Variants in KPNA7 observed in about 807,000 individuals in gnomAD.
KPNA7 encodes the protein importin subunit alpha-8.
Under a neutral mutation model 53.7 loss-of-function variants are expected in KPNA7, and 54 were observed. That is an observed-to-expected ratio of 1.01 (90% CI 0.81 to 1.26). KPNA7 has a LOEUF of 1.26. KPNA7 is among the 50% of genes most tolerant of loss of function. KPNA7 has a pLI of 0.00. For synonymous variants in KPNA7, 276 were observed against 259.3 expected (o/e 1.06, Z -0.62); for missense variants, 640 against 644.5 (o/e 0.99, Z 0.07).
rs536404384 is a variant in KPNA7, at chr7:99,173,624, G to C, written c.*84C>G. 922 of 763,502 alleles carry C rather than the reference G, an allele frequency of 1.2e-3. 16 individuals carry two copies. In the South Asian group the frequency reaches 0.018, roughly 15 times the overall value. 47.3% of individuals were successfully genotyped at this position (763,502 alleles called of 1,614,324 possible). ...CAAGTTTTAAAAGCTTCACATTTGG[G>C]TTACACTAAGATAGAGGACTGCTGC... is the stretch of plus-strand genomic sequence containing the variant. On this transcript the variant is annotated 3_prime_UTR_variant, in exon 11 of 11. Transcript: ENST00000327442.
chr7:99,147,766 G>A, the KPNA7 span, among the ~76,000 whole-genome samples: 37 of 151,552 alleles, frequency 2.4e-4, 1 homozygote, highest in Non-Finnish European at 2.5e-4. Context: ...CCTCCAGCCT[G>A]GGCGATAAGA....
In KPNA7 at chr7:99,187,797, TTTA is replaced by T. The variant is rs1214016416; in HGVS notation, c.900+500_900+502del. On this transcript the variant is annotated intron_variant, in intron 7 of 10. Coordinates refer to ENST00000327442, the MANE Select transcript of KPNA7 (RefSeq NM_001145715.3). ...TGAGCCACCGTGCCCGGCCTTTTTT[TTTA>T]AAAAAAAAAAAAAAAAAAAAAAAAA... Among the ~76,000 whole-genome samples the T allele has an allele frequency of 1.8e-3, 140 of 79,934 alleles. 1 individual carries two copies. The highest frequency in any genetic ancestry group is 4.8e-3 in the Admixed American group (31 of 6,452). The allele number at this position is 79,934 out of a possible 152,430, so 52.4% of individuals were successfully genotyped here.
chr7:99,177,848 G>T, intron 10 of KPNA7, 72 bp downstream of exon 10: 1 of 1,479,266 alleles, frequency 6.8e-7, no homozygotes, highest in East Asian at 2.5e-5. Flanking sequence ...CCCAGGCCCC[G>T]GCAGGGTGAC....
intron 6 of KPNA7, among the ~76,000 whole-genome samples, chr7:99,190,760 G>A (rs772002097): frequency 3.3e-5 from 5 of 150,808 alleles, no homozygotes; most frequent in Non-Finnish European, 5.9e-5. Flanking sequence ...CGATCCTCTC[G>A]CCTTGCCTTC....
the KPNA7 span, among the ~76,000 whole-genome samples, chr7:99,146,262 C>T: frequency 5.3e-5 from 8 of 152,148 alleles, no homozygotes; most frequent in Non-Finnish European, 8.8e-5. Flanking sequence ...GCTGGTTCTT[C>T]GTTGGCTTGA....
At chr7:99,163,380 T>TATATATATATATATATATAG in the KPNA7 span, among the ~76,000 whole-genome samples, 1 of 71,002 alleles carries the variant, frequency 1.4e-5, no homozygotes. Context: ...TATATATATA[T>TATATATATATATATATATAG]ATATTTTTTT....
chr7:99,160,790 C>G, the KPNA7 span, among the ~76,000 whole-genome samples: 2 of 152,114 alleles, frequency 1.3e-5, no homozygotes, highest in African/African-American at 4.8e-5. Context: ...TTCCCAATGA[C>G]CTCTGTCTTC....
rs892252352 is a variant in KPNA7 at position 99,178,004 on chromosome 7, G to A, written c.1380C>T (p.Ile460=). 122 of 1,551,498 alleles carry A rather than the reference G, an allele frequency of 7.9e-5. No individual in the cohort carries two copies. The highest frequency in any genetic ancestry group is 9.9e-5 in the Non-Finnish European group (113 of 1,146,988). The part of the protein sequence containing the change: ...LCLLIEELGG[I]DRIEALQLHE... ...GCAGCTGTAAAGCCTCAATTCTATC[G>A]ATCCCACCAAGTTCTTCTATCAGAA... The change falls in exon 10 of 11, where the codon ATC becomes ATT. Residue 460 remains isoleucine (I), a synonymous_variant. Transcript: ENST00000327442.
At chr7:99,212,859 C>A (rs1791111981), upstream of KPNA7, among the ~76,000 whole-genome samples, 1 of 151,646 alleles carries the variant, frequency 6.6e-6, no homozygotes, top group African/African-American at 2.4e-5. Flanking sequence ...CCACTGCACT[C>A]CAGCATGGGT....
intron 7 of KPNA7, among the ~76,000 whole-genome samples, chr7:99,187,615 A>G (rs1789667342): frequency 7.1e-6 from 1 of 141,786 alleles, no homozygotes; most frequent in African/African-American, 2.6e-5. Flanking sequence ...GAGCAGTGGC[A>G]CGATCTCAGC....
the KPNA7 span, among the ~76,000 whole-genome samples, chr7:99,161,525 C>T: frequency 6.6e-6 from 1 of 152,164 alleles, no homozygotes; most frequent in East Asian, 1.9e-4. Context: ...AAATTGTCCC[C>T]CAGATTCTTG....
chr7:99,186,325 C>T (rs892566008), intron 7 of KPNA7, among the ~76,000 whole-genome samples: 7 of 152,090 alleles, frequency 4.6e-5, no homozygotes, highest in African/African-American at 1.7e-4. Flanking sequence ...AGTGGCAGCC[C>T]CAGTAAAGCC....
chr7:99,204,529 G>A (rs1417576157), intron 2 of KPNA7, among the ~76,000 whole-genome samples: 1 of 152,150 alleles, frequency 6.6e-6, no homozygotes, highest in African/African-American at 2.4e-5. Context: ...TTATAAAGAA[G>A]TCACCATGTA....
At chr7:99,164,974 G>A in the KPNA7 span, among the ~76,000 whole-genome samples, 1 of 152,044 alleles carries the variant, frequency 6.6e-6, no homozygotes, top group African/African-American at 2.4e-5. Flanking sequence ...GTACCCGCCT[G>A]TAGTCCCAGC....
upstream of KPNA7, among the ~76,000 whole-genome samples, chr7:99,209,889 T>C (rs1468289343): frequency 2.6e-5 from 4 of 151,332 alleles, no homozygotes; most frequent in African/African-American, 9.7e-5. Flanking sequence ...ATACCTGTAG[T>C]CCCAGCTACT....
chr7:99,158,861 C>G, the KPNA7 span, among the ~76,000 whole-genome samples: 1 of 151,954 alleles, frequency 6.6e-6, no homozygotes, highest in African/African-American at 2.4e-5. Flanking sequence ...TGTACATAAA[C>G]AGCATCTTTT....
At chr7:99,186,144 G>A (rs1304710086) in intron 7 of KPNA7, among the ~76,000 whole-genome samples, 1 of 152,174 alleles carries the variant, frequency 6.6e-6, no homozygotes, top group African/African-American at 2.4e-5. Flanking sequence ...AGTGTCAAGC[G>A]TGTTGCATAT....
chr7:99,154,793 G>A, the KPNA7 span, among the ~76,000 whole-genome samples: 1 of 151,998 alleles, frequency 6.6e-6, no homozygotes, highest in Non-Finnish European at 1.5e-5. Context: ...TGAAAGTGCT[G>A]GGATTACAGG....
chr7:99,197,451 G>A (rs1790286682), intron 3 of KPNA7, among the ~76,000 whole-genome samples: 1 of 152,164 alleles, frequency 6.6e-6, no homozygotes, highest in African/African-American at 2.4e-5. Context: ...CAAAGAAAGT[G>A]TGACACACAC....
Sources: allele counts gnomAD v4.1 joint callset (sites outside exome capture counted in the v4.1 genomes callset), GRCh38; gene constraint gnomAD v4.1.1; transcripts MANE v1.5; gene names NCBI Gene and HGNC (gene_info 2026-07-23, HGNC 2026-07-21).